The following CNGA4 variants were observed in gnomAD, a reference collection of about 807,000 sequenced individuals.
CNGA4 encodes the protein cyclic nucleotide-gated channel alpha-4.
CNGA4 carries 32 observed loss-of-function variants against 45.6 expected under a neutral mutation model. The observed-to-expected ratio is 0.70, with a 90% confidence interval of 0.53 to 0.94. CNGA4 has a LOEUF of 0.94. Among genes scored for constraint, CNGA4 ranks in the 40% least tolerant of loss-of-function variants. CNGA4 has a pLI of 0.00. For missense variants in CNGA4, 726 were observed against 755.1 expected (o/e 0.96, Z 0.45); for synonymous variants, 293 against 304.6 (o/e 0.96, Z 0.40).
intron 5 of CNGA4, among the ~76,000 whole-genome samples, chr11:6,243,400 A>G (rs956823517): frequency 2.6e-5 from 4 of 152,176 alleles, no homozygotes; most frequent in Non-Finnish European, 5.9e-5. Flanking sequence ...AAGCAGGAGC[A>G]AGGGTTGGGG....
intron 1 of CNGA4, 54 bp downstream of exon 1, chr11:6,239,322 C>T (rs1415142819): frequency 3.1e-6 from 5 of 1,612,152 alleles, no homozygotes; most frequent in East Asian, 4.5e-5. Flanking sequence ...CTTGGTGCCC[C>T]AGTCACAACT....
chr11:6,244,523 G>A (rs1847966097), downstream of CNGA4: 1 of 965,214 alleles, frequency 1.0e-6, no homozygotes, highest in African/African-American at 1.7e-5. This position sits in a 1 kb window ranked among gnomAD's most constrained non-coding sequence, Gnocchi z 4.5. Context: ...GGAGCGAATT[G>A]GTCTGTAGAT....
chr11:6,240,790 G>T lies in CNGA4; in HGVS notation c.917+79G>T. 6.6e-7 allele frequency: 1 copy of T among 1,515,376 alleles called. No individual in the cohort carries two copies. The highest frequency in any genetic ancestry group is 9.0e-7 in the Non-Finnish European group (1 of 1,116,438). 93.9% of individuals were successfully genotyped at this position (1,515,376 alleles called of 1,614,324 possible). A position where few individuals can be genotyped will look rare whatever the true frequency, so the allele number is the denominator to read the frequency against. On this transcript the variant is annotated intron_variant, in intron 4 of 5. Coordinates refer to ENST00000379936, the MANE Select transcript of CNGA4 (RefSeq NM_001037329.4). The surrounding 1 kb of genome is among the most constrained non-coding windows in gnomAD (Gnocchi z 4.9). The stretch of plus-strand genomic sequence containing the variant: ...TGAGGGAGGTAACTGGGTCCTTAGT[G>T]CCTGGTGAGCCAGGCAAGGCTGTCA...
At chr11:6,238,784 A>C (rs1344244987), upstream of CNGA4, among the ~76,000 whole-genome samples, 1 of 152,208 alleles carries the variant, frequency 6.6e-6, no homozygotes, top group Non-Finnish European at 1.5e-5. Context: ...CCCAAATAGA[A>C]TTTGCAAAGA....
intron 3 of CNGA4, 54 bp downstream of exon 3, chr11:6,239,844 G>A: frequency 4.5e-6 from 7 of 1,547,538 alleles, no homozygotes; most frequent in Non-Finnish European, 6.2e-6. Flanking sequence ...CCTAAAGATA[G>A]CCACTTAAGA....
rs1473130682 is a variant in CNGA4 at position 6,241,412 on chromosome 11, G to C, written c.918-19G>C. 1.3e-6 allele frequency: 2 copies of C among 1,553,636 alleles called. No homozygotes were observed. Among genetic ancestry groups the C allele is most frequent in the Admixed American group, 3.6e-5 (2 of 55,790 alleles). On this transcript the variant is annotated intron_variant, in intron 4 of 5. Transcript: ENST00000379936. ...CACATAAAGGGCTGGTAAGGAAATG[G>C]CACTGTCCTTACTCTCAGGTATCAG...
chr11:6,243,429 A>C (rs1160914464), intron 5 of CNGA4, among the ~76,000 whole-genome samples: 1 of 152,122 alleles, frequency 6.6e-6, no homozygotes, highest in Non-Finnish European at 1.5e-5. Context: ...ACACTTTCAA[A>C]CAACCAAAAC....
At chr11:6,244,573 C>T, downstream of CNGA4, 1 of 592,356 alleles carries the variant, frequency 1.7e-6, no homozygotes, top group Non-Finnish European at 3.0e-6. The surrounding 1 kb of genome is among the most constrained non-coding windows in gnomAD (Gnocchi z 4.5). Context: ...ACATTCAGCC[C>T]CCACTTACCA....
At chr11:6,243,595 G>T (rs1245784804) in intron 5 of CNGA4, among the ~76,000 whole-genome samples, 2 of 152,158 alleles carry the variant, frequency 1.3e-5, no homozygotes, top group African/African-American at 4.8e-5. Flanking sequence ...TATATCTTAG[G>T]ACATCCCTTC....
rs766223585 is a variant in CNGA4, at chr11:6,239,234, A to G, written c.28A>G (p.Thr10Ala). The G allele has an allele frequency of 6.2e-7, 1 of 1,614,062 alleles. No individual in the cohort carries two copies. Among genetic ancestry groups the G allele is most frequent in the South Asian group, 1.1e-5 (1 of 91,064 alleles). MSQDTKVKT[T>A]ESSPPAPSKA... ...GAGCCAGGACACCAAAGTGAAGACA[A>G]CAGAGTCCAGTCCCCCAGCCCCATC... Residue 10 changes from threonine to alanine, a missense_variant, in exon 1 of 6, where the codon ACA becomes GCA. Physicochemically the swap from Thr to Ala is moderately conservative, Grantham distance 58. Coordinates refer to ENST00000379936, the MANE Select transcript of CNGA4 (RefSeq NM_001037329.4).
chr11:6,240,906 A>G lies in CNGA4; in HGVS notation c.917+195A>G, dbSNP rs553227154. ...GGGAATCAGGACTTGGGGGAGGGGT[A>G]GGTAAGAGACTGATAGGGAGAGGAG... On this transcript the variant is annotated intron_variant, in intron 4 of 5. Coordinates refer to ENST00000379936, the MANE Select transcript of CNGA4 (RefSeq NM_001037329.4). The surrounding 1 kb of genome is among the most constrained non-coding windows in gnomAD (Gnocchi z 4.9). Among the ~76,000 whole-genome samples, 3 of 152,262 alleles carry G rather than the reference A, an allele frequency of 2.0e-5. No homozygotes were observed. Among genetic ancestry groups the G allele is most frequent in the Non-Finnish European group, 4.4e-5 (3 of 68,004 alleles).
intron 5 of CNGA4, 98 bp from the exon 6 acceptor site, chr11:6,243,851 A>G (rs1488641048): frequency 9.1e-7 from 1 of 1,095,574 alleles, no homozygotes; most frequent in Non-Finnish European, 1.3e-6. Context: ...AGAGGCTCAG[A>G]AGCACAAATA....
chr11:6,237,728 TAAG>T (rs1277314347), upstream of CNGA4, among the ~76,000 whole-genome samples: 8 of 152,292 alleles, frequency 5.3e-5, no homozygotes, highest in East Asian at 1.2e-3. Context: ...AAAAAGAAAT[TAAG>T]AAGCCATGGG....
At chr11:6,243,824 A>C (rs1847950140) in intron 5 of CNGA4, 125 bp from the exon 6 acceptor site, 1 of 841,246 alleles carries the variant, frequency 1.2e-6, no homozygotes, top group African/African-American at 1.7e-5. Context: ...AAATGAAAGA[A>C]TTAATGAGGC....
chr11:6,241,684 G>C lies in CNGA4; in HGVS notation c.1171G>C (p.Gly391Arg). The change falls in exon 5 of 6, where the codon GGT becomes CGT. Residue 391 changes from glycine to arginine, a missense_variant. Gly to Arg is a moderately radical substitution (Grantham distance 125). Transcript: ENST00000379936. ...CCAAGAGATGTACATCATCCGAGAGGGTCAACTGGCCGTGGTGGCAGATGA... is the reference window on the plus strand; with the variant it reads ...CCAAGAGATGTACATCATCCGAGAGCGTCAACTGGCCGTGGTGGCAGATGA... ...IGQEMYIIRE[G>R]QLAVVADDGI... 1 of 1,614,160 alleles carries C rather than the reference G, an allele frequency of 6.2e-7. No individual in the cohort carries two copies. Among genetic ancestry groups the C allele is most frequent in the Non-Finnish European group, 8.5e-7 (1 of 1,180,032 alleles).
At chr11:6,244,549 T>C (rs940638389), downstream of CNGA4, 28 of 716,930 alleles carry the variant, frequency 3.9e-5, no homozygotes, top group East Asian at 4.7e-4. This position sits in a 1 kb window ranked among gnomAD's most constrained non-coding sequence, Gnocchi z 4.5. Context: ...GCTAGAGATA[T>C]AGGAGTTTAA....
At chr11:6,239,629 C>A in intron 2 of CNGA4, 55 bp from the exon 3 acceptor site, 1 of 1,577,978 alleles carries the variant, frequency 6.3e-7, no homozygotes, top group East Asian at 2.2e-5. Context: ...CCTGGGGAGA[C>A]GCCTCGCACA....
upstream of CNGA4, among the ~76,000 whole-genome samples, chr11:6,236,964 G>A (rs1318218087): frequency 6.6e-6 from 1 of 152,200 alleles, no homozygotes; most frequent in African/African-American, 2.4e-5. Context: ...GGAAGCATCT[G>A]GAGGCTTCTT....
At chr11:6,239,909 G>A (rs1847886548) in intron 3 of CNGA4, 119 bp downstream of exon 3, 3 of 1,343,026 alleles carry the variant, frequency 2.2e-6, no homozygotes, top group South Asian at 1.3e-5. Flanking sequence ...CTCTATGCCT[G>A]ACAGCATCCC....
Sources: gnomAD v4.1 joint callset for allele counts (sites outside exome capture counted in the v4.1 genomes callset) on GRCh38, gnomAD v4.1.1 for gene constraint, Gnocchi (gnomAD v3.1) non-coding constraint, MANE v1.5 for transcripts, NCBI Gene and HGNC (gene_info 2026-07-23, HGNC 2026-07-21) for gene names.